CHN2: variants seen among roughly 807,000 people sequenced by gnomAD.
CHN2 encodes the protein beta-chimaerin.
A neutral mutation model predicts 56.3 loss-of-function variants in CHN2; 35 were observed. The observed-to-expected ratio is 0.62, with a 90% CI of 0.47 to 0.82. The LOEUF (loss-of-function observed/expected upper bound fraction) is 0.82, where lower values mean the gene tolerates loss of function less well. Among genes scored for constraint, CHN2 ranks in the 40% least tolerant of loss-of-function variants. CHN2 has a pLI of 0.00. For synonymous variants in CHN2, 210 were observed against 212.8 expected (o/e 0.99, Z 0.12); for missense variants, 491 against 580.5 (o/e 0.85, Z 1.58).
rs138368899 is a variant in CHN2, at chr7:29,217,513, A to C, written c.49+22523A>C. Among the ~76,000 whole-genome samples the C allele has an allele frequency of 7.1e-3, 1,084 of 152,324 alleles. 18 individuals carry two copies. Among genetic ancestry groups the C allele is most frequent in the African/African-American group, 0.025 (1,032 of 41,576 alleles). On this transcript the variant is annotated intron_variant, in intron 1 of 12. Transcript: ENST00000222792. Reference sequence around the variant, plus strand: ...CACTTGGCACTTTTGTTAGCTGAAAATGCCCTGAAAGTTTATGACGTATCA... The same window carrying C: ...CACTTGGCACTTTTGTTAGCTGAAACTGCCCTGAAAGTTTATGACGTATCA...
At chr7:29,283,332 G>A (rs1019036650) in intron 1 of CHN2, among the ~76,000 whole-genome samples, 18 of 152,140 alleles carry the variant, frequency 1.2e-4, no homozygotes, top group Non-Finnish European at 2.2e-4. Context: ...AGCACTGAGC[G>A]GAAAAGCTAG....
intron 1 of CHN2, among the ~76,000 whole-genome samples, chr7:29,322,662 G>C (rs755697289): frequency 9.9e-5 from 15 of 152,210 alleles, no homozygotes; most frequent in Non-Finnish European, 1.6e-4. Flanking sequence ...AGCTCTTTCA[G>C]CTGGTCATAT....
intron 3 of CHN2, among the ~76,000 whole-genome samples, chr7:29,388,632 C>T (rs967386741): frequency 2.0e-5 from 3 of 152,080 alleles, no homozygotes; most frequent in Non-Finnish European, 4.4e-5. Flanking sequence ...AGTTTGAGTC[C>T]AGAGCCTGCC....
intron 6 of CHN2, among the ~76,000 whole-genome samples, chr7:29,414,128 T>G (rs1164468166): frequency 6.6e-6 from 1 of 152,174 alleles, no homozygotes; most frequent in African/African-American, 2.4e-5. Flanking sequence ...AATGTGAGTC[T>G]TCAGACACAA....
chr7:29,374,017 C>T (rs201067514), intron 3 of CHN2, among the ~76,000 whole-genome samples: 1 of 152,054 alleles, frequency 6.6e-6, no homozygotes, highest in Non-Finnish European at 1.5e-5. Flanking sequence ...ATTGATTCTA[C>T]AAGCCACAAA....
chr7:29,416,883 G>A (rs1803806710), intron 6 of CHN2, among the ~76,000 whole-genome samples: 1 of 152,126 alleles, frequency 6.6e-6, no homozygotes. Context: ...TGATTGCTTT[G>A]ATGCGACATT....
At chr7:29,212,903 A>G (rs1393801870) in intron 1 of CHN2, 4 of 1,610,780 alleles carry the variant, frequency 2.5e-6, no homozygotes, top group Non-Finnish European at 3.4e-6. Flanking sequence ...CAGACCTGGA[A>G]CAATTCATCC....
At chr7:29,166,552 G>T (rs1795940197) in intron 2 of CHN2, among the ~76,000 whole-genome samples, 1 of 152,212 alleles carries the variant, frequency 6.6e-6, no homozygotes, top group East Asian at 1.9e-4. Context: ...TAGCTATTGA[G>T]CTATCCAGGT....
At chr7:29,291,876 C>T (rs1792658171) in intron 1 of CHN2, among the ~76,000 whole-genome samples, 1 of 152,200 alleles carries the variant, frequency 6.6e-6, no homozygotes, top group African/African-American at 2.4e-5. Context: ...GTTTTCCACA[C>T]TAAACCTGAG....
At chr7:29,215,960 T>A (rs986194328) in intron 1 of CHN2, among the ~76,000 whole-genome samples, 1 of 152,192 alleles carries the variant, frequency 6.6e-6, no homozygotes, top group Non-Finnish European at 1.5e-5. Flanking sequence ...GTAAGCCAAT[T>A]TCTTAAAATC....
intron 1 of CHN2, among the ~76,000 whole-genome samples, chr7:29,306,416 T>C (rs1209176107): frequency 1.3e-5 from 2 of 152,168 alleles, no homozygotes; most frequent in Non-Finnish European, 2.9e-5. Flanking sequence ...TAATAAATAA[T>C]AGAGGATTCA....
At position 29,290,187 on chromosome 7, in the gene CHN2, T is replaced by G. The variant is rs1440414539; in HGVS notation, c.50-64438T>G. On this transcript the variant is annotated intron_variant, in intron 1 of 12. Coordinates refer to ENST00000222792, the MANE Select transcript of CHN2 (RefSeq NM_004067.4). The stretch of plus-strand genomic sequence containing the variant: ...GGACCGTTTGACCAAACATGCTGCA[T>G]TCACGTTCTTTTTCTGGGCCTTTGC... Among the ~76,000 whole-genome samples, 7 of 152,346 alleles carry G rather than the reference T, an allele frequency of 4.6e-5. No homozygotes were observed. The South Asian group carries it at 1.4e-3, about 32-fold the overall frequency.
rs114856071 is a variant in CHN2 at position 29,416,941 on chromosome 7, G to A, written c.576+16113G>A. On this transcript the variant is annotated intron_variant, in intron 6 of 12. Coordinates refer to ENST00000222792, the MANE Select transcript of CHN2 (RefSeq NM_004067.4). ...GCTGGCCCCTGCAGGCATCTCCCCT[G>A]CAGAGGAGGTGCTGCACAGTGGTTA... is the stretch of plus-strand genomic sequence containing the variant. 6.8e-3 allele frequency among the ~76,000 whole-genome samples: 1,039 copies of A among 152,326 alleles called. 12 individuals are homozygous for A. The highest frequency in any genetic ancestry group is 0.024 in the African/African-American group (994 of 41,568).
chr7:29,222,354 A>T (rs985249334), intron 1 of CHN2, among the ~76,000 whole-genome samples: 1 of 152,212 alleles, frequency 6.6e-6, no homozygotes, highest in African/African-American at 2.4e-5. Context: ...AGAATTAGAA[A>T]AAATATTTAA....
At position 29,495,957 on chromosome 7, in the gene CHN2, C is replaced by T. The variant is rs777224619; in HGVS notation, c.660C>T (p.His220=). ...TTCTTCTTTTTGGATCACAGGTCCA[C>T]ACGTTCCGAGGCCCACACTGGTGTG... ...NYEKTHNFKV[H]TFRGPHWCEY... is the part of the protein sequence containing the mutation. Residue 220 remains histidine, a synonymous_variant, in exon 8 of 13, where the codon CAC becomes CAT. Transcript: ENST00000222792. 1 of 1,613,278 alleles carries T rather than the reference C, an allele frequency of 6.2e-7. No homozygotes were observed. Among genetic ancestry groups the T allele is most frequent in the Non-Finnish European group, 8.5e-7 (1 of 1,179,602 alleles).
intron 1 of CHN2, among the ~76,000 whole-genome samples, chr7:29,225,499 C>G (rs887166986): frequency 1.3e-5 from 2 of 152,204 alleles, no homozygotes; most frequent in African/African-American, 2.4e-5. Context: ...TGCCTTCTGA[C>G]TATCCATTTC....
chr7:29,480,762 C>T (rs968607836), intron 7 of CHN2, among the ~76,000 whole-genome samples: 1 of 152,184 alleles, frequency 6.6e-6, no homozygotes, highest in Non-Finnish European at 1.5e-5. Flanking sequence ...GCCTGTTTCT[C>T]GTTTTGTGTT....
At chr7:29,486,727 G>A (rs1036377283) in intron 7 of CHN2, among the ~76,000 whole-genome samples, 1 of 152,128 alleles carries the variant, frequency 6.6e-6, no homozygotes, top group African/African-American at 2.4e-5. Context: ...GTGTGCTCTT[G>A]TAGCATGCTC....
At chr7:29,222,490 C>CATGGTATTGGTACATAA (rs70980515) in intron 1 of CHN2, among the ~76,000 whole-genome samples, 1 of 151,846 alleles carries the variant, frequency 6.6e-6, no homozygotes, top group Admixed American at 6.6e-5. Context: ...ACCAAAACAG[C>CATGGTATTGGTACATAA]ACAGACACAC....
Sources: allele counts gnomAD v4.1 joint callset (sites outside exome capture counted in the v4.1 genomes callset), GRCh38; gene constraint gnomAD v4.1.1; transcripts MANE v1.5; gene names NCBI Gene and HGNC (gene_info 2026-07-23, HGNC 2026-07-21).